RNF212: variants seen among roughly 807,000 people sequenced by gnomAD.
RNF212 encodes probable E3 SUMO-protein ligase RNF212.
Under a neutral mutation model 34.7 loss-of-function variants are expected in RNF212, and 33 were observed. That is an observed-to-expected ratio of 0.95 (90% CI 0.72 to 1.27). The LOEUF (loss-of-function observed/expected upper bound fraction) is 1.27. Among genes scored for constraint, RNF212 ranks in the 50% most tolerant of loss-of-function variants. The probability of loss-of-function intolerance (pLI) is 0.00; values close to 1 mark genes in which losing one functional copy is unlikely to be tolerated. For synonymous variants in RNF212, 140 were observed against 136.1 expected (o/e 1.03, Z -0.20); for missense variants, 377 against 362.2 (o/e 1.04, Z -0.33).
chr4:1,096,623 C>T lies in RNF212; in HGVS notation c.246+142G>A, dbSNP rs569932001. ...TAGTGCACCTGGCTCATCACAGAAC[C>T]AAGCACACCCCTCACAGCTCCATGG... On this transcript the variant is annotated intron_variant, in intron 3 of 9. Coordinates refer to ENST00000433731, the MANE Select transcript of RNF212 (RefSeq NM_001131034.4). The T allele has an allele frequency of 6.6e-4, 461 of 698,000 alleles. 2 individuals are homozygous for T. The highest frequency in any genetic ancestry group is 2.8e-3 in the Middle Eastern group (9 of 3,172). The allele number at this position is 698,000 out of a possible 1,614,324, so 43.2% of individuals were successfully genotyped here.
intron 5 of RNF212, among the ~76,000 whole-genome samples, chr4:1,084,657 G>C (rs1240883981): frequency 6.7e-6 from 1 of 148,936 alleles, no homozygotes; most frequent in Non-Finnish European, 1.5e-5. Flanking sequence ...CTGAGCCTTG[G>C]GAGGTTGAGG....
At chr4:1,082,573 G>A (rs575522671) in intron 5 of RNF212, among the ~76,000 whole-genome samples, 12 of 152,308 alleles carry the variant, frequency 7.9e-5, no homozygotes, top group Non-Finnish European at 7.3e-5. Flanking sequence ...TGGGGCCTCC[G>A]CTCTGAGTCA....
At chr4:1,095,166 C>T (rs1250602568) in intron 3 of RNF212, among the ~76,000 whole-genome samples, 1 of 126,044 alleles carries the variant, frequency 7.9e-6, no homozygotes, top group Non-Finnish European at 1.6e-5. Flanking sequence ...CCCCCCACAG[C>T]TCCATGGTCT....
intron 3 of RNF212, among the ~76,000 whole-genome samples, chr4:1,092,007 C>T (rs932062735): frequency 4.6e-5 from 7 of 152,194 alleles, no homozygotes; most frequent in East Asian, 3.9e-4. Flanking sequence ...CCACCTTTGC[C>T]GACGCTTCTC....
chr4:1,073,734 C>G, intron 8 of RNF212, 72 bp from the exon 9 acceptor site: 5 of 961,490 alleles, frequency 5.2e-6, no homozygotes, highest in Non-Finnish European at 8.4e-6. Context: ...CTCCCACTGT[C>G]TGTTAGGAAC....
chr4:1,110,614 TTGAG>T (rs1335169185), intron 1 of RNF212, among the ~76,000 whole-genome samples: 146 of 152,252 alleles, frequency 9.6e-4, no homozygotes, highest in African/African-American at 2.9e-3. Flanking sequence ...AGGTCTATGT[TTGAG>T]TAAGTAATAA....
chr4:1,095,038 A>T (rs1577761051), intron 3 of RNF212, among the ~76,000 whole-genome samples: 1 of 152,208 alleles, frequency 6.6e-6, no homozygotes, highest in African/African-American at 2.4e-5. Flanking sequence ...TTGCCTCCAG[A>T]ACACAGAAAA....
At chr4:1,060,097 CAAAAAAA>C (rs1162381231) in intron 3 of RNF212, among the ~76,000 whole-genome samples, 23 of 36,816 alleles carry the variant, frequency 6.2e-4, no homozygotes, top group Admixed American at 4.5e-3. Context: ...GAAACTCCAT[CAAAAAAA>C]AAAAAAAAAG....
intron 8 of RNF212, among the ~76,000 whole-genome samples, chr4:1,075,055 G>A (rs1225660960): frequency 2.0e-5 from 3 of 152,148 alleles, no homozygotes; most frequent in South Asian, 2.1e-4. Context: ...GTCTTTCCCC[G>A]TCCTGGTGCT....
At chr4:1,110,707 T>C (rs1223495129) in intron 1 of RNF212, among the ~76,000 whole-genome samples, 1 of 152,180 alleles carries the variant, frequency 6.6e-6, no homozygotes. Context: ...TGGAAGGATA[T>C]ACACCAGAGC....
intron 4 of RNF212, among the ~76,000 whole-genome samples, chr4:1,090,090 G>C (rs1335497185): frequency 1.3e-5 from 2 of 151,088 alleles, no homozygotes; most frequent in Non-Finnish European, 3.0e-5. Context: ...TGACAGGATG[G>C]GGTAAGGGTG....
chr4:1,090,001 G>A (rs1188594421), intron 4 of RNF212, among the ~76,000 whole-genome samples: 1 of 151,968 alleles, frequency 6.6e-6, no homozygotes, highest in Non-Finnish European at 1.5e-5. Context: ...AGGGGTGAGG[G>A]GTGACAGGAT....
At chr4:1,065,222 G>GC (rs1313089418) in intron 3 of RNF212, among the ~76,000 whole-genome samples, 1 of 152,214 alleles carries the variant, frequency 6.6e-6, no homozygotes, top group Non-Finnish European at 1.5e-5. Context: ...GTTTTCCACA[G>GC]CAGCCACACC....
At chr4:1,077,898 G>A (rs1719584225) in intron 8 of RNF212, among the ~76,000 whole-genome samples, 1 of 152,202 alleles carries the variant, frequency 6.6e-6, no homozygotes, top group Admixed American at 6.5e-5. Context: ...CGGTGGGTGT[G>A]GGCGTGGCCA....
intron 8 of RNF212, among the ~76,000 whole-genome samples, chr4:1,075,217 C>T (rs1468524237): frequency 2.0e-5 from 3 of 152,226 alleles, no homozygotes; most frequent in African/African-American, 4.8e-5. Context: ...GCTGCCTACA[C>T]GCATGTTTGC....
intron 4 of RNF212, among the ~76,000 whole-genome samples, chr4:1,089,755 T>C (rs767251039): frequency 1.3e-5 from 2 of 152,176 alleles, no homozygotes; most frequent in Non-Finnish European, 2.9e-5. Context: ...TAAGTTCTCA[T>C]GAAATCTGAT....
chr4:1,084,229 G>A (rs902125985), intron 5 of RNF212, among the ~76,000 whole-genome samples: 2 of 152,146 alleles, frequency 1.3e-5, no homozygotes, highest in African/African-American at 4.8e-5. Context: ...GGGATTACAG[G>A]CGTGAGCCAC....
At chr4:1,062,298 T>C (rs1430708378) in intron 3 of RNF212, among the ~76,000 whole-genome samples, 3 of 152,172 alleles carry the variant, frequency 2.0e-5, no homozygotes, top group African/African-American at 7.2e-5. Context: ...CCAACCGGGA[T>C]TCATCTCAGG....
At position 1,073,677 on chromosome 4, in the gene RNF212, A is replaced by G; in HGVS notation, c.511-15T>C. On this transcript the variant is annotated splice_polypyrimidine_tract_variant and intron_variant, in intron 8 of 9. Coordinates refer to ENST00000433731, the MANE Select transcript of RNF212 (RefSeq NM_001131034.4). ...GCTATCTCAGACTAAGAATGCAACA[A>G]GAAAACAATGGGTAAAATTCCAATA... The G allele has an allele frequency of 6.3e-7, 1 of 1,593,296 alleles. No individual in the cohort carries two copies. Among genetic ancestry groups the G allele is most frequent in the Non-Finnish European group, 8.6e-7 (1 of 1,161,778 alleles).
Sources: allele counts gnomAD v4.1 joint callset (sites outside exome capture counted in the v4.1 genomes callset), GRCh38; gene constraint gnomAD v4.1.1; transcripts MANE v1.5; gene names NCBI Gene and HGNC (gene_info 2026-07-23, HGNC 2026-07-21).